Variants in AKR1A1 observed in about 807,000 individuals in gnomAD.
The protein encoded by AKR1A1 is HEL-S-165mP.
AKR1A1 carries 26 observed loss-of-function variants against 39.2 expected under a neutral mutation model. The observed-to-expected ratio is 0.66, with a 90% confidence interval of 0.49 to 0.92. The LOEUF (loss-of-function observed/expected upper bound fraction) is 0.92. AKR1A1 is among the 40% of genes least tolerant of loss of function. The probability of loss-of-function intolerance (pLI) is 0.00; values close to 1 mark genes in which losing one functional copy is unlikely to be tolerated. For missense variants in AKR1A1, 378 were observed against 406.5 expected, an observed-to-expected ratio of 0.93 and a Z score of 0.60; for synonymous variants, 141 against 155.5, an observed-to-expected ratio of 0.91 and a Z score of 0.69.
intron 2 of AKR1A1, among the ~76,000 whole-genome samples, chr1:45,562,549 C>T (rs1464325705): frequency 6.8e-6 from 1 of 147,878 alleles, no homozygotes; most frequent in Non-Finnish European, 1.5e-5. Flanking sequence ...TCACTCTGTT[C>T]CCCAGGCTGG....
intron 6 of AKR1A1, 40 bp downstream of exon 6, chr1:45,568,724 G>A (rs534883158): frequency 3.1e-6 from 5 of 1,608,992 alleles, no homozygotes; most frequent in South Asian, 1.1e-5. Flanking sequence ...GGGTTGGGAG[G>A]CAAGGGTTAA....
chr1:45,551,285 G>T (rs1054849444), intron 1 of AKR1A1, 130 bp downstream of exon 1: 1 of 150,678 alleles, frequency 6.6e-6, no homozygotes, highest in African/African-American at 2.5e-5. Context: ...CTTGGTTTCG[G>T]ATTTGAGCTC....
At chr1:45,557,540 T>A (rs1017226756) in intron 1 of AKR1A1, among the ~76,000 whole-genome samples, 1 of 152,198 alleles carries the variant, frequency 6.6e-6, no homozygotes, top group African/African-American at 2.4e-5. Flanking sequence ...CTTTTCCCCT[T>A]AAGCCAGGGT....
At chr1:45,565,794 T>TA (rs1377291305) in intron 2 of AKR1A1, among the ~76,000 whole-genome samples, 1 of 150,444 alleles carries the variant, frequency 6.6e-6, no homozygotes, top group Non-Finnish European at 1.5e-5. Flanking sequence ...TTTTTTTTTT[T>TA]AAAGAGGTGG....
intron 1 of AKR1A1, among the ~76,000 whole-genome samples, chr1:45,561,220 T>G (rs1644273012): frequency 6.6e-6 from 1 of 152,192 alleles, no homozygotes; most frequent in Non-Finnish European, 1.5e-5. Context: ...TTTTAGATAG[T>G]GCAGTTCTTT....
At chr1:45,553,912 A>G (rs975676356) in intron 1 of AKR1A1, among the ~76,000 whole-genome samples, 2 of 151,272 alleles carry the variant, frequency 1.3e-5, no homozygotes, top group Non-Finnish European at 3.0e-5. Context: ...GGAGAATGGC[A>G]TGAACCCGGG....
intron 1 of AKR1A1, among the ~76,000 whole-genome samples, chr1:45,561,416 A>T (rs1277612814): frequency 7.8e-6 from 1 of 127,974 alleles, no homozygotes; most frequent in Non-Finnish European, 1.7e-5. Flanking sequence ...CATGCTTTGT[A>T]GTAGTGAGAC....
rs200005817 is a variant in AKR1A1 at position 45,570,004 on chromosome 1, C to G, written c.*48C>G. On this transcript the variant is annotated 3_prime_UTR_variant, in exon 9 of 9. Transcript: ENST00000351829. The stretch of plus-strand genomic sequence containing the variant: ...TTCCAGCTCTGCAGCTAATGAGGTC[C>G]TGCCACAACGGAAAGAGGGAGTTAA... 3.2e-6 allele frequency: 5 copies of G among 1,548,122 alleles called. No homozygotes were observed. In the East Asian group the frequency reaches 1.1e-4, roughly 35 times the overall value.
chr1:45,567,247 G>T, intron 4 of AKR1A1: 1 of 557,902 alleles, frequency 1.8e-6, no homozygotes, highest in Non-Finnish European at 3.1e-6. Context: ...TGTACCCCAG[G>T]GTATGCACCT....
At chr1:45,567,173 AC>A in intron 4 of AKR1A1, 153 bp downstream of exon 4, 1 of 1,044,972 alleles carries the variant, frequency 9.6e-7, no homozygotes, top group Non-Finnish European at 1.4e-6. Context: ...CTCTTCTGCT[AC>A]AGCAGCTTAG....
At chr1:45,560,958 A>C (rs2148296824) in intron 1 of AKR1A1, among the ~76,000 whole-genome samples, 1 of 151,960 alleles carries the variant, frequency 6.6e-6, no homozygotes, top group Non-Finnish European at 1.5e-5. Context: ...CGATCTCCTG[A>C]CCTCGTGATC....
chr1:45,551,889 T>C (rs1441046428), intron 1 of AKR1A1, among the ~76,000 whole-genome samples: 3 of 152,104 alleles, frequency 2.0e-5, no homozygotes, highest in Non-Finnish European at 4.4e-5. Context: ...AGGCAGCGAC[T>C]TCCTCAAATG....
At chr1:45,566,457 A>T in intron 2 of AKR1A1, 112 bp from the exon 3 acceptor site, 2 of 1,484,452 alleles carry the variant, frequency 1.3e-6, no homozygotes, top group Non-Finnish European at 1.8e-6. Flanking sequence ...TCCACTGCAT[A>T]GATGTGCCTG....
In AKR1A1 at chr1:45,567,049, AATCAGGGGGTTGAGCAGG is replaced by A. The variant is rs767731418; in HGVS notation, c.356+32_356+49del. ...AGCCTTGCCAGAGCCTCATCTGGGG[AATCAGGGGGTTGAGCAGG>A]ATGGTGTTAGTAACTTATTGTAAGT... On this transcript the variant is annotated intron_variant, in intron 4 of 8. Coordinates refer to ENST00000351829, the MANE Select transcript of AKR1A1 (RefSeq NM_153326.3). 5.6e-6 allele frequency: 9 copies of A among 1,609,420 alleles called. No individual in the cohort carries two copies. In the Admixed American group the frequency reaches 1.5e-4, roughly 27 times the overall value.
intron 2 of AKR1A1, among the ~76,000 whole-genome samples, chr1:45,565,382 G>A (rs947909643): frequency 8.7e-5 from 13 of 150,250 alleles, no homozygotes; most frequent in South Asian, 2.1e-4. Flanking sequence ...CACCCACCTC[G>A]GCCTCCCAAA....
rs572644152 is a variant in AKR1A1, at chr1:45,554,911, G to A, written c.-7+3756G>A. On this transcript the variant is annotated intron_variant, in intron 1 of 8. Transcript: ENST00000351829. ...TTGCCATGTCCCCCAGGCTGGTCTC[G>A]AACTCCTGGACTCAAGCAATCTGCT... is the stretch of plus-strand genomic sequence containing the variant. Among the ~76,000 whole-genome samples the A allele has an allele frequency of 8.5e-5, 13 of 152,088 alleles. No individual in the cohort carries two copies. The East Asian group carries it at 1.4e-3, about 16-fold the overall frequency.
chr1:45,569,949 C>G lies in AKR1A1; in HGVS notation c.971C>G (p.Pro324Arg), dbSNP rs142530083. ...CATCCTCTGTACCCCTTTAATGACC[C>G]GTACTGAGACCACAGCTTCTTGGCC... ...AGHPLYPFND[P>R]Y Residue 324 changes from proline to arginine, a missense_variant, in exon 9 of 9, where the codon CCG becomes CGG. By Grantham distance (103) the Pro-to-Arg change is moderately radical (BLOSUM62 -2). Coordinates refer to ENST00000351829, the MANE Select transcript of AKR1A1 (RefSeq NM_153326.3). 7 of 1,614,052 alleles carry G rather than the reference C, an allele frequency of 4.3e-6. No individual in the cohort carries two copies. The highest frequency in any genetic ancestry group is 8.5e-7 in the Non-Finnish European group (1 of 1,179,942).
rs1160484371 is a variant in AKR1A1, at chr1:45,563,103, T to TA, written c.84+1237dup. ...CAGCCTGGACAGAGCGAGACCATCT[T>TA]AAAAAAAAAAAAGGTAGGCTGGACA... On this transcript the variant is annotated intron_variant, in intron 2 of 8. Transcript: ENST00000351829. Among the ~76,000 whole-genome samples the TA allele has an allele frequency of 2.2e-3, 311 of 138,564 alleles. 2 individuals carry two copies. Among genetic ancestry groups the TA allele is most frequent in the East Asian group, 0.018 (87 of 4,722 alleles). 90.9% of individuals were successfully genotyped at this position (138,564 alleles called of 152,430 possible).
chr1:45,559,318 T>C (rs1008041124), intron 1 of AKR1A1, among the ~76,000 whole-genome samples: 2 of 152,220 alleles, frequency 1.3e-5, no homozygotes, highest in Non-Finnish European at 2.9e-5. Context: ...ACCTCTTATT[T>C]GCATAGCTTT....
Sources: allele counts gnomAD v4.1 joint callset (sites outside exome capture counted in the v4.1 genomes callset), GRCh38; gene constraint gnomAD v4.1.1; transcripts MANE v1.5; gene names NCBI Gene and HGNC (gene_info 2026-07-23, HGNC 2026-07-21).